The following AZIN2 variants were observed in gnomAD, a reference collection of about 807,000 sequenced individuals.
AZIN2 encodes the protein ODC antizyme inhibitor-2.
A neutral mutation model predicts 47.8 loss-of-function variants in AZIN2; 28 were observed. The observed-to-expected ratio is 0.59, with a 90% CI of 0.43 to 0.80. The LOEUF (loss-of-function observed/expected upper bound fraction) is 0.80. Among genes scored for constraint, AZIN2 ranks in the 30% least tolerant of loss-of-function variants. The probability of loss-of-function intolerance (pLI) is 0.00; values close to 1 mark genes in which losing one functional copy is unlikely to be tolerated. For missense variants in AZIN2, 535 were observed against 582.5 expected (o/e 0.92, Z 0.84); for synonymous variants, 221 against 239.4 (o/e 0.92, Z 0.71).
chr1:33,134,651 C>T, the AZIN2 span, among the ~76,000 whole-genome samples: 5 of 152,276 alleles, frequency 3.3e-5, no homozygotes, highest in African/African-American at 4.8e-5. Flanking sequence ...GACATGTTTA[C>T]GCAGGGAAGC....
the AZIN2 span, among the ~76,000 whole-genome samples, chr1:33,135,409 T>C: frequency 1.3e-5 from 2 of 152,228 alleles, no homozygotes; most frequent in African/African-American, 4.8e-5. Flanking sequence ...GAGCCAGACA[T>C]GTGGCCCACC....
rs1034005862 is a variant in AZIN2 at position 33,101,708 on chromosome 1, A to G, written c.1029+3529A>G. 6 of 584,186 alleles carry G rather than the reference A, an allele frequency of 1.0e-5. No homozygotes were observed. In the South Asian group the frequency reaches 1.4e-4, roughly 14 times the overall value. The allele number at this position is 584,186 out of a possible 1,614,324, so 36.2% of individuals were successfully genotyped here. On this transcript the variant is annotated intron_variant, in intron 10 of 11. Coordinates refer to ENST00000294517, the MANE Select transcript of AZIN2 (RefSeq NM_052998.4). ...ATTCTCTGGCTTTCTTTTTCAGTAT[A>G]GGTTTATCACATCTAAATCTATTCC...
At chr1:33,095,293 A>G (rs1643030746) in intron 8 of AZIN2, among the ~76,000 whole-genome samples, 1 of 152,222 alleles carries the variant, frequency 6.6e-6, no homozygotes, top group Non-Finnish European at 1.5e-5. Context: ...TGCCTCAAAG[A>G]TGACTGTTCT....
At chr1:33,117,194 T>C (rs538383043) in intron 10 of AZIN2, among the ~76,000 whole-genome samples, 2 of 152,356 alleles carry the variant, frequency 1.3e-5, no homozygotes, top group South Asian at 4.1e-4. Flanking sequence ...TGGGGTCCTC[T>C]GTGACCTCTG....
intron 11 of AZIN2, 97 bp from the exon 12 acceptor site, chr1:33,119,947 C>T (rs1644741194): frequency 6.5e-7 from 1 of 1,540,548 alleles, no homozygotes; most frequent in Non-Finnish European, 8.8e-7. Flanking sequence ...AGCTCGGGCT[C>T]ACGTGAGAGC....
chr1:33,115,032 T>C (rs1041688586), intron 10 of AZIN2, among the ~76,000 whole-genome samples: 1 of 152,194 alleles, frequency 6.6e-6, no homozygotes, highest in Non-Finnish European at 1.5e-5. Flanking sequence ...GTTTTTTCTG[T>C]GGCTCTGTCA....
intron 10 of AZIN2, among the ~76,000 whole-genome samples, chr1:33,099,607 A>G (rs534252193): frequency 6.6e-6 from 1 of 152,198 alleles, no homozygotes; most frequent in African/African-American, 2.4e-5. Flanking sequence ...AGAGGAGATG[A>G]TGGTCCCAGC....
intron 10 of AZIN2, among the ~76,000 whole-genome samples, chr1:33,114,526 T>C (rs997601301): frequency 2.0e-5 from 3 of 151,810 alleles, no homozygotes; most frequent in Non-Finnish European, 4.4e-5. Flanking sequence ...GCTAATTTTT[T>C]GTATTTTTAG....
chr1:33,130,647 C>T, the AZIN2 span, among the ~76,000 whole-genome samples: 1 of 152,222 alleles, frequency 6.6e-6, no homozygotes, highest in Non-Finnish European at 1.5e-5. Context: ...CCAGTTAAGC[C>T]ATACCCAGGT....
chr1:33,136,113 C>CCCTTTCCTTCCTTCCTT, the AZIN2 span, among the ~76,000 whole-genome samples: 4 of 103,512 alleles, frequency 3.9e-5, no homozygotes, highest in African/African-American at 1.2e-4. Flanking sequence ...CAGGGGCCAG[C>CCCTTTCCTTCCTTCCTT]CCTTCCTTCC....
At chr1:33,102,974 C>T (rs1342245372) in intron 10 of AZIN2, among the ~76,000 whole-genome samples, 1 of 152,224 alleles carries the variant, frequency 6.6e-6, no homozygotes, top group African/African-American at 2.4e-5. Flanking sequence ...TCTCCTTCCA[C>T]ATGCAGTCCA....
rs746194223 is a variant in AZIN2, at chr1:33,094,654, G to A, written c.694G>A (p.Val232Ile). Residue 232 changes from valine to isoleucine, a missense_variant, in exon 8 of 12, where the codon GTT becomes ATT. Around this residue, in one of 3 missense-constraint regions of AZIN2, gnomAD observed 409 missense variants for 429.0 expected, o/e 0.95. Transcript: ENST00000294517. ...MGTELGHKMH[V>I]LDLGGGFPGT... ...CACCGAGCTGGGTCACAAGATGCAC[G>A]TTCTGGACCTTGGTGGTGGCTTCCC... 5.6e-6 allele frequency: 9 copies of A among 1,614,070 alleles called. No individual in the cohort carries two copies. The highest frequency in any genetic ancestry group is 1.6e-4 in the Middle Eastern group (1 of 6,084).
rs1409221972 is a variant in AZIN2, at chr1:33,092,061, G to A, written c.291G>A (p.Glu97=). 1 of 1,613,752 alleles carries A rather than the reference G, an allele frequency of 6.2e-7. No individual in the cohort carries two copies. Among genetic ancestry groups the A allele is most frequent in the Non-Finnish European group, 8.5e-7 (1 of 1,179,878 alleles). The change falls in exon 6 of 12, where the codon GAG becomes GAA. Residue 97 remains glutamate (E), a synonymous_variant. Coordinates refer to ENST00000294517, the MANE Select transcript of AZIN2 (RefSeq NM_052998.4). ...TTGGGGCCCCATAGGCAGAGATGGA[G>A]TTGGTCCAGCATATTGGAATCCCTG... ...GFSCANKAEM[E]LVQHIGIPAS... is the part of the protein sequence containing the mutation.
chr1:33,155,842 A>G, the AZIN2 span, among the ~76,000 whole-genome samples: 1 of 152,204 alleles, frequency 6.6e-6, no homozygotes, highest in Non-Finnish European at 1.5e-5. Context: ...TTGGGAAGGC[A>G]CTGATTTCCC....
Position 33,113,179 on chromosome 1 carries a change from A to C in AZIN2, c.1030-4723A>C, listed in dbSNP as rs1644364112. On this transcript the variant is annotated intron_variant, in intron 10 of 11. Transcript: ENST00000294517. This position sits in a 1 kb window ranked among gnomAD's most constrained non-coding sequence, Gnocchi z 4.1. ...GAGATGGGGTTTCACCGTGTTAACC[A>C]GGATGGTCTCGACCTCCTGACCTCA... Among the ~76,000 whole-genome samples the C allele has an allele frequency of 6.6e-6, 1 of 152,190 alleles. No homozygotes were observed. Among genetic ancestry groups the C allele is most frequent in the Non-Finnish European group, 1.5e-5 (1 of 68,034 alleles).
intron 5 of AZIN2, among the ~76,000 whole-genome samples, chr1:33,084,869 G>A (rs1641710068): frequency 6.6e-6 from 1 of 152,090 alleles, no homozygotes; most frequent in African/African-American, 2.4e-5. Context: ...TAAAGTGCTG[G>A]GTTTACAGCC....
downstream of AZIN2, among the ~76,000 whole-genome samples, chr1:33,126,918 T>C (rs1644860731): frequency 6.6e-6 from 1 of 152,224 alleles, no homozygotes; most frequent in Admixed American, 6.5e-5. Flanking sequence ...CAACTGGGCA[T>C]CCTGCATTTT....
At chr1:33,114,640 A>T (rs1234596495) in intron 10 of AZIN2, among the ~76,000 whole-genome samples, 1 of 136,140 alleles carries the variant, frequency 7.3e-6, no homozygotes, top group East Asian at 2.2e-4. Context: ...GGCATGAGCC[A>T]CCGCGACCCG....
the AZIN2 span, among the ~76,000 whole-genome samples, chr1:33,158,078 C>A: frequency 1.3e-5 from 2 of 152,168 alleles, no homozygotes; most frequent in African/African-American, 4.8e-5. Flanking sequence ...TTATGAAGGT[C>A]CACTGAGCTG....
Sources: allele counts gnomAD v4.1 joint callset (sites outside exome capture counted in the v4.1 genomes callset), GRCh38; gene constraint gnomAD v4.1.1; regional missense constraint gnomAD v4.1.1; non-coding constraint Gnocchi (gnomAD v3.1); transcripts MANE v1.5; gene names NCBI Gene and HGNC (gene_info 2026-07-23, HGNC 2026-07-21).